The following CCDC171 variants were observed in gnomAD, a reference collection of about 807,000 sequenced individuals.
CCDC171 encodes the protein coiled-coil domain containing 171.
CCDC171 carries 177 observed loss-of-function variants against 168.2 expected under a neutral mutation model. The ratio of observed to expected loss-of-function variants is 1.05; its 90% CI spans 0.93 to 1.19. The LOEUF is 1.19. Among genes scored for constraint, CCDC171 ranks in the 50% most tolerant of loss-of-function variants. The pLI is 0.00. For synonymous variants in CCDC171, 687 were observed against 540.8 expected, an observed-to-expected ratio of 1.27 and a Z score of -3.75; for missense variants, 1,991 against 1,539.0, an observed-to-expected ratio of 1.29 and a Z score of -4.91.
At chr9:15,904,625 ATAACCAGC>A (rs1200994479) in intron 24 of CCDC171, among the ~76,000 whole-genome samples, 1 of 152,206 alleles carries the variant, frequency 6.6e-6, no homozygotes, top group Admixed American at 6.5e-5. Flanking sequence ...AACGAGCAAA[ATAACCAGC>A]TAACATCATA....
chr9:15,673,727 A>G (rs2049300966), intron 9 of CCDC171, among the ~76,000 whole-genome samples: 2 of 152,060 alleles, frequency 1.3e-5, no homozygotes, highest in Admixed American at 1.3e-4. Context: ...AAGCTTTTTG[A>G]TGTGCTGCTG....
At chr9:15,861,216 C>CCTTAGTTGGATCCT (rs59122272) in intron 23 of CCDC171, among the ~76,000 whole-genome samples, 2 of 148,564 alleles carry the variant, frequency 1.3e-5, no homozygotes, top group East Asian at 3.9e-4. Context: ...ATAGTTGGAT[C>CCTTAGTTGGATCCT]TTTTTTTTTT....
chr9:15,715,981 C>G (rs1441039331), intron 11 of CCDC171, among the ~76,000 whole-genome samples: 1 of 152,184 alleles, frequency 6.6e-6, no homozygotes, highest in Non-Finnish European at 1.5e-5. Context: ...TTGAAACCTA[C>G]TTAAAAGTGA....
chr9:15,898,326 T>G (rs922432942), intron 24 of CCDC171, among the ~76,000 whole-genome samples: 3 of 152,164 alleles, frequency 2.0e-5, no homozygotes, highest in Admixed American at 6.6e-5. Context: ...AGTGGAGAAT[T>G]GAGCTGAGTG....
chr9:15,601,947 C>T (rs1020936580), intron 6 of CCDC171, among the ~76,000 whole-genome samples: 4 of 152,122 alleles, frequency 2.6e-5, no homozygotes, highest in Non-Finnish European at 4.4e-5. Flanking sequence ...CTAAATGAAA[C>T]ATTGTGGTTA....
chr9:15,625,104 T>G (rs2044945059), intron 7 of CCDC171, among the ~76,000 whole-genome samples: 1 of 152,240 alleles, frequency 6.6e-6, no homozygotes, highest in East Asian at 1.9e-4. Flanking sequence ...GTTGGCTGCA[T>G]AAATGTCTTC....
intron 21 of CCDC171, among the ~76,000 whole-genome samples, chr9:15,842,193 A>C (rs1049603510): frequency 6.6e-6 from 1 of 152,016 alleles, no homozygotes; most frequent in Non-Finnish European, 1.5e-5. Flanking sequence ...TTTAGTGTGT[A>C]GGAATGTAGA....
At chr9:15,907,272 A>C (rs2131748963) in intron 24 of CCDC171, among the ~76,000 whole-genome samples, 1 of 152,364 alleles carries the variant, frequency 6.6e-6, no homozygotes, top group African/African-American at 2.4e-5. Flanking sequence ...ACAAGGCTAC[A>C]GTAACCAAAA....
intron 10 of CCDC171, among the ~76,000 whole-genome samples, chr9:15,686,698 C>T (rs2050418790): frequency 6.6e-6 from 1 of 152,012 alleles, no homozygotes; most frequent in African/African-American, 2.4e-5. Flanking sequence ...AAGGGTCAAT[C>T]CACCAGAACG....
At chr9:16,017,180 G>A (rs951063823) in intron 3 of CCDC171, among the ~76,000 whole-genome samples, 1 of 152,044 alleles carries the variant, frequency 6.6e-6, no homozygotes, top group Non-Finnish European at 1.5e-5. Context: ...CCAGAAAAGT[G>A]AAATAAATAA....
At chr9:15,714,411 T>G (rs2052918102) in intron 11 of CCDC171, among the ~76,000 whole-genome samples, 1 of 152,110 alleles carries the variant, frequency 6.6e-6, no homozygotes, top group Admixed American at 6.6e-5. Context: ...AACTATGGGG[T>G]GGGTTCAGGT....
intron 7 of CCDC171, among the ~76,000 whole-genome samples, chr9:15,641,600 A>G (rs2046611350): frequency 6.6e-6 from 1 of 152,150 alleles, no homozygotes; most frequent in Non-Finnish European, 1.5e-5. Context: ...CTGGTTTATA[A>G]TAAAGTAACA....
intron 7 of CCDC171, among the ~76,000 whole-genome samples, chr9:15,634,124 A>T (rs1481866474): frequency 2.0e-5 from 3 of 152,204 alleles, no homozygotes; most frequent in Admixed American, 2.0e-4. Context: ...ATGTTTACAT[A>T]TGTAACTAAC....
chr9:15,922,166 C>T lies in CCDC171; in HGVS notation c.3753+1744C>T, dbSNP rs966438795. On this transcript the variant is annotated intron_variant, in intron 25 of 25. Transcript: ENST00000380701. The stretch of plus-strand genomic sequence containing the variant: ...GGTTCACCCTGTAGTGATTCTTCAT[C>T]TATAGAATGCGAAACATTCCCCCAG... 5 of 411,208 alleles carry T rather than the reference C, an allele frequency of 1.2e-5. No individual in the cohort carries two copies. In the East Asian group the frequency reaches 2.2e-4, roughly 18 times the overall value. 25.5% of individuals were successfully genotyped at this position (411,208 alleles called of 1,614,324 possible).
In CCDC171 at chr9:15,779,100, C is replaced by A; in HGVS notation, c.3031C>A (p.Leu1011Ile). 6.2e-7 allele frequency: 1 copy of A among 1,601,262 alleles called. No homozygotes were observed. Among genetic ancestry groups the A allele is most frequent in the Admixed American group, 1.7e-5 (1 of 58,002 alleles). Residue 1011 changes from leucine (L) to isoleucine (I), a missense_variant, in exon 20 of 26, where the codon CTT (leucine) becomes ATT (isoleucine). Transcript: ENST00000380701. The stretch of plus-strand genomic sequence containing the variant: ...AAGTGTGAATGAAATGAAAAAGGAG[C>A]TTGACAAAGCCCAGGGTCTGCAAAT... ...KRSVNEMKKE[L>I]DKAQGLQMQL...
chr9:15,611,171 C>T (rs915246360), intron 6 of CCDC171, among the ~76,000 whole-genome samples: 3 of 152,208 alleles, frequency 2.0e-5, no homozygotes, highest in Non-Finnish European at 2.9e-5. Context: ...CCCCCTTCAC[C>T]TTCTACCATG....
intron 18 of CCDC171, among the ~76,000 whole-genome samples, chr9:15,771,363 T>C (rs1326244171): frequency 3.3e-5 from 5 of 152,196 alleles, no homozygotes; most frequent in Non-Finnish European, 2.9e-5. Context: ...ATTTTGATAA[T>C]CTCTTTGACC....
intron 3 of CCDC171, among the ~76,000 whole-genome samples, chr9:15,574,049 A>C (rs1213026608): frequency 6.6e-6 from 1 of 152,194 alleles, no homozygotes; most frequent in Non-Finnish European, 1.5e-5. Flanking sequence ...TTAGGGAAGG[A>C]ATACAGTTTT....
intron 3 of CCDC171, among the ~76,000 whole-genome samples, chr9:15,987,867 G>A (rs1589299489): frequency 6.7e-6 from 1 of 148,986 alleles, no homozygotes; most frequent in Non-Finnish European, 1.5e-5. Flanking sequence ...TTATACACAC[G>A]GCCTGAAAGG....
Sources: gnomAD v4.1 joint callset for allele counts (sites outside exome capture counted in the v4.1 genomes callset) on GRCh38, gnomAD v4.1.1 for gene constraint, MANE v1.5 for transcripts, NCBI Gene and HGNC (gene_info 2026-07-23, HGNC 2026-07-21) for gene names.